TMEM266: variants seen among roughly 807,000 people sequenced by gnomAD.
TMEM266 encodes Hv1 related protein 1.
In TMEM266, 33 loss-of-function variants were observed where a neutral mutation model predicts 50.5. The ratio of observed to expected loss-of-function variants is 0.65; its 90% CI spans 0.50 to 0.87. The LOEUF (loss-of-function observed/expected upper bound fraction) is 0.87, where lower values mean the gene tolerates loss of function less well. TMEM266 is among the 40% of genes least tolerant of loss of function. TMEM266 has a pLI of 0.00. For missense variants in TMEM266, 655 were observed against 695.1 expected, an observed-to-expected ratio of 0.94 and a Z score of 0.65; for synonymous variants, 310 against 292.3, an observed-to-expected ratio of 1.06 and a Z score of -0.62.
At chr15:76,146,738 C>G (rs529936988) in intron 3 of TMEM266, among the ~76,000 whole-genome samples, 1 of 152,176 alleles carries the variant, frequency 6.6e-6, no homozygotes, top group South Asian at 2.1e-4. Flanking sequence ...CCCAAAATAC[C>G]CTTCTCTCTT....
At chr15:76,072,367 G>A (rs1382411593) in intron 1 of TMEM266, among the ~76,000 whole-genome samples, 1 of 151,548 alleles carries the variant, frequency 6.6e-6, no homozygotes, top group African/African-American at 2.4e-5. Context: ...GAACCTGGGA[G>A]GTGGAGGTTG....
chr15:76,090,433 C>T (rs868229243), intron 1 of TMEM266, among the ~76,000 whole-genome samples: 37 of 140,872 alleles, frequency 2.6e-4, no homozygotes, highest in African/African-American at 9.1e-4. Flanking sequence ...TGGAGGTTGC[C>T]GTGAGCCAAG....
At chr15:76,147,769 G>A (rs187229968) in intron 3 of TMEM266, among the ~76,000 whole-genome samples, 13 of 152,336 alleles carry the variant, frequency 8.5e-5, no homozygotes, top group Admixed American at 2.6e-4. Flanking sequence ...AGTGGCTCAC[G>A]CCTGTAATCC....
intron 1 of TMEM266, chr15:76,113,934 T>C (rs1344150145): frequency 1.3e-5 from 2 of 150,056 alleles, no homozygotes. Context: ...AAGAAAAGGA[T>C]GTGCCTGAAG....
chr15:76,198,313 GCA>G (rs545954957), intron 9 of TMEM266, among the ~76,000 whole-genome samples: 20 of 152,320 alleles, frequency 1.3e-4, no homozygotes, highest in African/African-American at 4.8e-4. Context: ...GGACTGCACA[GCA>G]CAGTCCCTTG....
chr15:76,169,746 C>A (rs2038158396), intron 5 of TMEM266, 70 bp from the exon 6 acceptor site: 1 of 1,522,180 alleles, frequency 6.6e-7, no homozygotes, highest in South Asian at 1.1e-5. Flanking sequence ...GCTCTGAGTG[C>A]TGAGCTCTGG....
Position 76,114,410 on chromosome 15 carries a change from C to G in TMEM266, c.-96-19758C>G, listed in dbSNP as rs112446151. ...TGGTACACGCCTGAGGTTCTACCTA[C>G]TCGGGAGGCTGAGGCAGGAGGATCA... is the stretch of plus-strand genomic sequence containing the variant. On this transcript the variant is annotated intron_variant, in intron 1 of 10. Coordinates refer to ENST00000388942, the MANE Select transcript of TMEM266 (RefSeq NM_152335.3). Among the ~76,000 whole-genome samples, 234 of 152,204 alleles carry G rather than the reference C, an allele frequency of 1.5e-3. 2 individuals carry two copies. Among genetic ancestry groups the G allele is most frequent in the African/African-American group, 5.4e-3 (226 of 41,542 alleles).
At chr15:76,159,723 C>T (rs1353821255) in intron 4 of TMEM266, among the ~76,000 whole-genome samples, 1 of 152,128 alleles carries the variant, frequency 6.6e-6, no homozygotes, top group African/African-American at 2.4e-5. Flanking sequence ...ACTGAAGCTG[C>T]CTACACAGCC....
chr15:76,124,060 T>C (rs2959868), intron 1 of TMEM266, among the ~76,000 whole-genome samples: 7,385 of 152,196 alleles, frequency 0.049, 571 homozygotes, highest in African/African-American at 0.17. Context: ...CACCCCTAAC[T>C]CCCTTGGCCA....
chr15:76,064,329 T>C (rs2036369744), intron 1 of TMEM266, among the ~76,000 whole-genome samples: 1 of 152,228 alleles, frequency 6.6e-6, no homozygotes, highest in Admixed American at 6.5e-5. Context: ...TTACCCCATG[T>C]GTCTGAGAAG....
intron 1 of TMEM266, among the ~76,000 whole-genome samples, chr15:76,116,823 GCACATCCTCATCT>G (rs2037254033): frequency 6.6e-6 from 1 of 151,754 alleles, no homozygotes; most frequent in Admixed American, 6.6e-5. Context: ...AATGAAAATA[GCACATCCTCATCT>G]ATTTTTAAAA....
intron 3 of TMEM266, among the ~76,000 whole-genome samples, chr15:76,144,006 G>A (rs1477436214): frequency 6.6e-6 from 1 of 152,010 alleles, no homozygotes; most frequent in African/African-American, 2.4e-5. Flanking sequence ...CCTCTGAGTT[G>A]GCTGCATACT....
chr15:76,069,335 T>C (rs1175692777), intron 1 of TMEM266, among the ~76,000 whole-genome samples: 1 of 152,134 alleles, frequency 6.6e-6, no homozygotes, highest in Non-Finnish European at 1.5e-5. Context: ...AGATAGGGCC[T>C]GGTTTGGTGA....
At chr15:76,089,235 C>T (rs2141996882) in intron 1 of TMEM266, among the ~76,000 whole-genome samples, 1 of 149,342 alleles carries the variant, frequency 6.7e-6, no homozygotes, top group East Asian at 2.0e-4. Context: ...CGCTCTGTTG[C>T]CCAGGCTGGA....
Position 76,160,206 on chromosome 15 carries a change from G to T in TMEM266, c.456+38G>T, listed in dbSNP as rs771746800. ...TCTGGCCCTGTCACCTCCTCTGTTG[G>T]GTGACTCCTGTCCTGGGGAAACCAA... On this transcript the variant is annotated intron_variant, in intron 5 of 10. Coordinates refer to ENST00000388942, the MANE Select transcript of TMEM266 (RefSeq NM_152335.3). The surrounding 1 kb of genome is among the most constrained non-coding windows in gnomAD (Gnocchi z 5.7). 7 of 1,584,576 alleles carry T rather than the reference G, an allele frequency of 4.4e-6. No individual in the cohort carries two copies. In the Admixed American group the frequency reaches 1.2e-4, roughly 26 times the overall value.
intron 1 of TMEM266, among the ~76,000 whole-genome samples, chr15:76,060,363 G>A (rs569642002): frequency 6.6e-6 from 1 of 151,554 alleles, no homozygotes; most frequent in Non-Finnish European, 1.5e-5. Context: ...AAGCTGGAGG[G>A]GGGGGTTGCT....
At position 76,116,899 on chromosome 15, in the gene TMEM266, T is replaced by C. The variant is rs4886766; in HGVS notation, c.-96-17269T>C. Among the ~76,000 whole-genome samples, 736 of 120,868 alleles carry C rather than the reference T, an allele frequency of 6.1e-3. 5 individuals carry two copies. Among genetic ancestry groups the C allele is most frequent in the African/African-American group, 0.03 (702 of 23,726 alleles). The allele number at this position is 120,868 out of a possible 152,430, so 79.3% of individuals were successfully genotyped here. ...TACAAACAGTAAAGCATATCTTCTTTTTTTTTTTTTTTTTTTTGAGACGGA... is the reference window on the plus strand; with the variant it reads ...TACAAACAGTAAAGCATATCTTCTTCTTTTTTTTTTTTTTTTTGAGACGGA... On this transcript the variant is annotated intron_variant, in intron 1 of 10. Coordinates refer to ENST00000388942, the MANE Select transcript of TMEM266 (RefSeq NM_152335.3).
rs1418024577 is a variant in TMEM266, at chr15:76,151,132, T to C, written c.228-5472T>C. ...AGGACATTGGGAAACGCCTGCCCTC[T>C]CGTGGCAATTCTGGGGATAACACCA... On this transcript the variant is annotated intron_variant, in intron 3 of 10. Coordinates refer to ENST00000388942, the MANE Select transcript of TMEM266 (RefSeq NM_152335.3). Among the ~76,000 whole-genome samples, 4 of 152,302 alleles carry C rather than the reference T, an allele frequency of 2.6e-5. No individual in the cohort carries two copies. In the East Asian group the frequency reaches 7.7e-4, roughly 29 times the overall value.
At chr15:76,181,972 C>T (rs2038416532) in intron 8 of TMEM266, among the ~76,000 whole-genome samples, 1 of 152,168 alleles carries the variant, frequency 6.6e-6, no homozygotes, top group Non-Finnish European at 1.5e-5. Flanking sequence ...CTCTGACGTT[C>T]TGCTTCCTCA....
Sources: gnomAD v4.1 joint callset for allele counts (sites outside exome capture counted in the v4.1 genomes callset) on GRCh38, gnomAD v4.1.1 for gene constraint, Gnocchi (gnomAD v3.1) non-coding constraint, MANE v1.5 for transcripts, NCBI Gene and HGNC (gene_info 2026-07-23, HGNC 2026-07-21) for gene names.